TAS2R1: variants seen among roughly 807,000 people sequenced by gnomAD.
The protein encoded by TAS2R1 is taste 2 receptor member 1.
For missense variants in TAS2R1, 370 were observed against 353.4 expected, an observed-to-expected ratio of 1.05 and a Z score of -0.38; for synonymous variants, 141 against 134.2, an observed-to-expected ratio of 1.05 and a Z score of -0.35.
the TAS2R1 span, among the ~76,000 whole-genome samples, chr5:9,844,528 T>C: frequency 6.6e-6 from 1 of 152,194 alleles, no homozygotes; most frequent in Non-Finnish European, 1.5e-5. Flanking sequence ...TTAAACAGGA[T>C]AAACCTCATT....
At chr5:9,667,806 A>C (rs1211676534) in intron 1 of TAS2R1, among the ~76,000 whole-genome samples, 2 of 152,248 alleles carry the variant, frequency 1.3e-5, no homozygotes, top group Admixed American at 6.5e-5. Context: ...ATACTGAAGG[A>C]ACATCAGCCC....
chr5:9,888,149 C>A, the TAS2R1 span, among the ~76,000 whole-genome samples: 1 of 152,052 alleles, frequency 6.6e-6, no homozygotes, highest in Non-Finnish European at 1.5e-5. Context: ...GCACCATGCC[C>A]TTCCTGCCCA....
chr5:9,703,793 TAAG>T (rs1741541274), intron 1 of TAS2R1, among the ~76,000 whole-genome samples: 1 of 152,140 alleles, frequency 6.6e-6, no homozygotes, highest in Non-Finnish European at 1.5e-5. Flanking sequence ...TTGGAGTGGA[TAAG>T]GAGGCAGGAC....
chr5:9,764,873 T>G, the TAS2R1 span, among the ~76,000 whole-genome samples: 3 of 152,230 alleles, frequency 2.0e-5, no homozygotes, highest in African/African-American at 7.2e-5. Context: ...TACAAACCAC[T>G]TGAACCACCA....
the TAS2R1 span, among the ~76,000 whole-genome samples, chr5:9,863,828 C>G: frequency 1.3e-5 from 2 of 152,200 alleles, no homozygotes; most frequent in Non-Finnish European, 2.9e-5. Flanking sequence ...GAACACACCC[C>G]TCCCCTTCAA....
the TAS2R1 span, among the ~76,000 whole-genome samples, chr5:9,725,716 A>G: frequency 3.5e-5 from 5 of 141,412 alleles, no homozygotes; most frequent in African/African-American, 1.6e-4. Flanking sequence ...GAGTGCAGGC[A>G]CACGGCACGG....
the TAS2R1 span, among the ~76,000 whole-genome samples, chr5:9,786,957 T>C: frequency 5.8e-4 from 88 of 152,326 alleles, no homozygotes; most frequent in Admixed American, 5.0e-3. Flanking sequence ...GGAATCTTTC[T>C]CTAAATGAAT....
chr5:9,838,013 C>G, the TAS2R1 span, among the ~76,000 whole-genome samples: 5 of 152,168 alleles, frequency 3.3e-5, no homozygotes, highest in Admixed American at 6.6e-5. Context: ...TCAGTTGGAT[C>G]ACATCACAGA....
the TAS2R1 span, among the ~76,000 whole-genome samples, chr5:9,841,972 A>G: frequency 1.3e-5 from 2 of 152,324 alleles, no homozygotes; most frequent in East Asian, 3.9e-4. Flanking sequence ...GCTGAGCCAT[A>G]AGTAATACAG....
At chr5:9,830,571 TGGTA>T in the TAS2R1 span, among the ~76,000 whole-genome samples, 615 of 150,168 alleles carry the variant, frequency 4.1e-3, 3 homozygotes, top group African/African-American at 0.013. Context: ...GATAGATGGT[TGGTA>T]GGTAGGTAGG....
At chr5:9,735,892 G>T in the TAS2R1 span, among the ~76,000 whole-genome samples, 1 of 152,076 alleles carries the variant, frequency 6.6e-6, no homozygotes, top group South Asian at 2.1e-4. Flanking sequence ...CCTCTAACTT[G>T]CTTCCACCTT....
the TAS2R1 span, chr5:9,867,179 A>G: frequency 6.6e-6 from 1 of 152,202 alleles, no homozygotes; most frequent in Non-Finnish European, 1.5e-5. Flanking sequence ...CCATTCACCG[A>G]GCCAAAAGTA....
the TAS2R1 span, among the ~76,000 whole-genome samples, chr5:9,866,013 A>G: frequency 3.9e-5 from 6 of 152,194 alleles, no homozygotes; most frequent in African/African-American, 1.2e-4. Context: ...TGGAACTACA[A>G]TTATACCTGA....
chr5:9,724,273 G>C, the TAS2R1 span, among the ~76,000 whole-genome samples: 49 of 151,454 alleles, frequency 3.2e-4, no homozygotes, highest in African/African-American at 1.1e-3. Flanking sequence ...TTTTTTTCTG[G>C]CTCTATTTTA....
chr5:9,794,201 T>C, the TAS2R1 span, among the ~76,000 whole-genome samples: 1 of 152,172 alleles, frequency 6.6e-6, no homozygotes, highest in Admixed American at 6.5e-5. Flanking sequence ...TTTTAAAATT[T>C]TTTAGTTGAT....
chr5:9,800,572 C>T, the TAS2R1 span, among the ~76,000 whole-genome samples: 4 of 152,126 alleles, frequency 2.6e-5, no homozygotes, highest in African/African-American at 9.6e-5. Context: ...AGGGCAAGGG[C>T]AAGTAGATGT....
the TAS2R1 span, among the ~76,000 whole-genome samples, chr5:9,890,556 T>C: frequency 2.0e-5 from 3 of 152,214 alleles, no homozygotes; most frequent in African/African-American, 7.2e-5. Flanking sequence ...CAAAGACTAT[T>C]ACACAGTATC....
At chr5:9,874,396 G>A in the TAS2R1 span, among the ~76,000 whole-genome samples, 2 of 152,180 alleles carry the variant, frequency 1.3e-5, no homozygotes, top group Non-Finnish European at 2.9e-5. Context: ...AGGAAAAACT[G>A]TTGGTATGGT....
At chr5:9,843,026 A>G in the TAS2R1 span, among the ~76,000 whole-genome samples, 1 of 152,136 alleles carries the variant, frequency 6.6e-6, no homozygotes, top group African/African-American at 2.4e-5. Context: ...ACTTCAAATT[A>G]CAAATTTTTG....
Sources: allele counts gnomAD v4.1 joint callset (sites outside exome capture counted in the v4.1 genomes callset), GRCh38; gene constraint gnomAD v4.1.1; transcripts MANE v1.5; gene names NCBI Gene and HGNC (gene_info 2026-07-23, HGNC 2026-07-21).